DLG2: variants seen among roughly 807,000 people sequenced by gnomAD.
DLG2 encodes disks large homolog 2.
Under a neutral mutation model 132.5 loss-of-function variants are expected in DLG2, and 45 were observed. The observed-to-expected ratio is 0.34, with a 90% CI of 0.27 to 0.44. DLG2 has a LOEUF of 0.44. Ranked by LOEUF, DLG2 falls within the 20% of genes least tolerant of loss-of-function variation. The pLI is 1.00. For missense variants in DLG2, 1,045 were observed against 1,196.9 expected (o/e 0.87, Z 1.87); for synonymous variants, 424 against 419.6 (o/e 1.01, Z -0.13).
At chr11:84,958,661 A>T (rs1399224864) in intron 6 of DLG2, among the ~76,000 whole-genome samples, 1 of 152,172 alleles carries the variant, frequency 6.6e-6, no homozygotes, top group East Asian at 1.9e-4. Flanking sequence ...CCAGAGTCAT[A>T]TGACAGAGTA....
chr11:85,126,838 C>T (rs970530855), intron 5 of DLG2, among the ~76,000 whole-genome samples: 5 of 152,172 alleles, frequency 3.3e-5, no homozygotes, highest in Admixed American at 2.6e-4. Context: ...CTTATCTCAC[C>T]GAATTCTTAA....
At chr11:83,537,397 G>T (rs2095907066) in intron 20 of DLG2, among the ~76,000 whole-genome samples, 1 of 152,152 alleles carries the variant, frequency 6.6e-6, no homozygotes, top group East Asian at 1.9e-4. Context: ...ACCCACATTA[G>T]TGGCCACAGG....
chr11:83,878,484 A>T (rs571713695), intron 15 of DLG2, among the ~76,000 whole-genome samples: 1 of 152,328 alleles, frequency 6.6e-6, no homozygotes, highest in East Asian at 1.9e-4. Context: ...ACTGGTCTAT[A>T]TAGAGCACCT....
chr11:84,626,226 T>C (rs1166071600), intron 6 of DLG2, among the ~76,000 whole-genome samples: 2 of 152,242 alleles, frequency 1.3e-5, no homozygotes, highest in Non-Finnish European at 2.9e-5. Flanking sequence ...TTTCTAAATT[T>C]ACATTAGGTG....
At chr11:85,061,488 T>G (rs1250069584) in intron 6 of DLG2, among the ~76,000 whole-genome samples, 1 of 151,848 alleles carries the variant, frequency 6.6e-6, no homozygotes, top group Admixed American at 6.6e-5. Flanking sequence ...TGAAGGCATA[T>G]CCCTCAGGAG....
chr11:84,114,263 A>G (rs1032910119), intron 9 of DLG2, among the ~76,000 whole-genome samples: 8 of 152,178 alleles, frequency 5.3e-5, no homozygotes, highest in African/African-American at 1.9e-4. Context: ...GGATCCTGAG[A>G]CCAAAATGTT....
At chr11:84,856,550 C>T (rs2082814340) in intron 6 of DLG2, among the ~76,000 whole-genome samples, 1 of 152,094 alleles carries the variant, frequency 6.6e-6, no homozygotes, top group Non-Finnish European at 1.5e-5. Flanking sequence ...AATATATTCA[C>T]TTATTTCCAT....
At chr11:85,390,851 A>G (rs751455278) in intron 3 of DLG2, among the ~76,000 whole-genome samples, 2 of 152,120 alleles carry the variant, frequency 1.3e-5, no homozygotes, top group Non-Finnish European at 2.9e-5. Flanking sequence ...AAGAGCTCAA[A>G]TAGACAATCT....
chr11:84,666,111 C>T (rs770667431), intron 6 of DLG2, among the ~76,000 whole-genome samples: 1 of 152,104 alleles, frequency 6.6e-6, no homozygotes, highest in African/African-American at 2.4e-5. Flanking sequence ...ATTTGCTGCT[C>T]AGCCAGATTT....
chr11:83,922,347 C>T (rs2078113793), intron 15 of DLG2, among the ~76,000 whole-genome samples: 1 of 152,050 alleles, frequency 6.6e-6, no homozygotes, highest in Non-Finnish European at 1.5e-5. Context: ...CAATTAATCT[C>T]TCCTTATTTT....
At chr11:84,361,558 T>G (rs1042162896) in intron 7 of DLG2, among the ~76,000 whole-genome samples, 3 of 151,972 alleles carry the variant, frequency 2.0e-5, no homozygotes, top group African/African-American at 7.2e-5. Flanking sequence ...AAAGGAAGAT[T>G]TGTGGGCAAA....
intron 6 of DLG2, among the ~76,000 whole-genome samples, chr11:84,634,151 G>C (rs185950706): frequency 2.0e-4 from 31 of 152,196 alleles, no homozygotes; most frequent in African/African-American, 6.7e-4. Context: ...ATCTGGATTT[G>C]AGATCTTTGT....
chr11:83,660,749 G>C (rs1354443186), intron 18 of DLG2, among the ~76,000 whole-genome samples: 1 of 152,094 alleles, frequency 6.6e-6, no homozygotes, highest in Non-Finnish European at 1.5e-5. Context: ...AGGTACATAA[G>C]GGGGTGGCTG....
At chr11:83,707,142 T>C (rs1171931953) in intron 18 of DLG2, among the ~76,000 whole-genome samples, 2 of 152,138 alleles carry the variant, frequency 1.3e-5, no homozygotes, top group Non-Finnish European at 2.9e-5. Flanking sequence ...CATCAATAAA[T>C]GGAGAACAAA....
intron 6 of DLG2, among the ~76,000 whole-genome samples, chr11:84,718,468 A>G (rs1283372220): frequency 2.0e-5 from 3 of 152,118 alleles, no homozygotes. Flanking sequence ...TCCCTCCAAT[A>G]TGGTTTGAAA....
At chr11:85,482,942 A>T (rs286500) in intron 3 of DLG2, among the ~76,000 whole-genome samples, 1 of 152,068 alleles carries the variant, frequency 6.6e-6, no homozygotes, top group African/African-American at 2.4e-5. Flanking sequence ...TATATCTGCT[A>T]TATAAGATAT....
intron 27 of DLG2, chr11:83,461,559 G>A (rs1366243449): frequency 6.5e-6 from 1 of 154,368 alleles, no homozygotes; most frequent in Non-Finnish European, 1.4e-5. Context: ...TGCTGATAGG[G>A]ACACTGATGA....
chr11:85,502,124 T>C lies in DLG2; in HGVS notation c.40+96533A>G, dbSNP rs375990102. Among the ~76,000 whole-genome samples the C allele has an allele frequency of 8.9e-4, 136 of 151,964 alleles. 3 individuals are homozygous for C. The South Asian group carries it at 0.027, about 30-fold the overall frequency. ...TGAGTTAATGTCCTTTGCAGGGACATGGATGAAGCTGGAAACCATCATTCT... is the reference window on the plus strand; with the variant it reads ...TGAGTTAATGTCCTTTGCAGGGACACGGATGAAGCTGGAAACCATCATTCT... On this transcript the variant is annotated intron_variant, in intron 3 of 27. Coordinates refer to ENST00000376104, the MANE Select transcript of DLG2 (RefSeq NM_001142699.3).
At chr11:84,770,809 CT>C (rs1290512897) in intron 6 of DLG2, among the ~76,000 whole-genome samples, 1 of 149,460 alleles carries the variant, frequency 6.7e-6, no homozygotes, top group East Asian at 1.9e-4. Flanking sequence ...CCACGCCTGG[CT>C]AATTTTTTTT....
Sources: gnomAD v4.1 joint callset for allele counts (sites outside exome capture counted in the v4.1 genomes callset) on GRCh38, gnomAD v4.1.1 for gene constraint, MANE v1.5 for transcripts, NCBI Gene and HGNC (gene_info 2026-07-23, HGNC 2026-07-21) for gene names.